Variants in MED16 observed in about 807,000 individuals in gnomAD.
MED16 encodes mediator complex subunit 16, also known as mediator of RNA polymerase II transcription subunit 16.
Under a neutral mutation model 84.4 loss-of-function variants are expected in MED16, and 81 were observed. That is an observed-to-expected ratio of 0.96 (90% CI 0.80 to 1.15). MED16 has a LOEUF of 1.15. Among genes scored for constraint, MED16 ranks in the 50% most tolerant of loss-of-function variants. The pLI is 0.00. For synonymous variants in MED16, 897 were observed against 552.2 expected, an observed-to-expected ratio of 1.62 and a Z score of -8.76; for missense variants, 1,585 against 1,245.9, an observed-to-expected ratio of 1.27 and a Z score of -4.10.
At chr19:878,882 G>A (rs1302277314) in intron 8 of MED16, among the ~76,000 whole-genome samples, 1 of 115,564 alleles carries the variant, frequency 8.7e-6, no homozygotes, top group African/African-American at 3.4e-5. Context: ...ACGTGCCCCA[G>A]CAGCTCACCT....
intron 8 of MED16, 78 bp from the exon 9 acceptor site, chr19:877,258 G>A: frequency 1.4e-6 from 2 of 1,408,280 alleles, no homozygotes; most frequent in South Asian, 1.2e-5. Flanking sequence ...GGGCCCTGGG[G>A]CTGCGGCACG....
intron 9 of MED16, 77 bp from the exon 10 acceptor site, chr19:875,531 A>G (rs1039245644): frequency 8.2e-7 from 1 of 1,215,638 alleles, no homozygotes; most frequent in Non-Finnish European, 1.1e-6. Flanking sequence ...GGAGAAGAGC[A>G]GTTCGACTCT....
At chr19:885,154 CA>C (rs2036500656) in intron 5 of MED16, 146 bp from the exon 6 acceptor site, 1 of 623,336 alleles carries the variant, frequency 1.6e-6, no homozygotes, top group Non-Finnish European at 2.8e-6. Context: ...TCCTGGATTC[CA>C]GCCCAGGCCT....
chr19:870,969 G>C (rs930539818), intron 13 of MED16, 68 bp downstream of exon 13: 7 of 1,386,368 alleles, frequency 5.0e-6, no homozygotes, highest in Non-Finnish European at 6.7e-6. Flanking sequence ...GTGTGGATTC[G>C]GGGGTCCCGG....
chr19:873,368 G>T, intron 11 of MED16, 81 bp downstream of exon 11: 1 of 1,450,416 alleles, frequency 6.9e-7, no homozygotes. Flanking sequence ...GTGGTTTTGA[G>T]GGGCAGGGGC....
chr19:885,688 G>A (rs185192086), intron 5 of MED16, 82 bp downstream of exon 5: 93 of 1,500,902 alleles, frequency 6.2e-5, no homozygotes, highest in Non-Finnish European at 7.7e-5. Flanking sequence ...GGAGGCCCGC[G>A]CGGGTCTCCA....
At chr19:888,539 A>G (rs2036568935) in intron 4 of MED16, among the ~76,000 whole-genome samples, 2 of 152,034 alleles carry the variant, frequency 1.3e-5, no homozygotes, top group African/African-American at 4.8e-5. Context: ...AAAAAAAAAA[A>G]AAAAGATAAA....
intron 12 of MED16, chr19:871,467 C>A: frequency 1.4e-6 from 2 of 1,437,290 alleles, no homozygotes; most frequent in East Asian, 2.5e-5. Flanking sequence ...CCGTCTCTGG[C>A]CTGTCATGAG....
chr19:883,446 C>G (rs1253937153), intron 6 of MED16, among the ~76,000 whole-genome samples: 3 of 141,758 alleles, frequency 2.1e-5, no homozygotes, highest in Non-Finnish European at 4.6e-5. Flanking sequence ...GCGTGAAGAG[C>G]TGGGCATGGC....
chr19:880,178 GGCAGGGC>G, intron 7 of MED16, 30 bp from the exon 8 acceptor site: 1 of 1,588,204 alleles, frequency 6.3e-7, no homozygotes, highest in Middle Eastern at 2.2e-4. Flanking sequence ...CTTAGACATG[GGCAGGGC>G]CCAGGACACG....
chr19:885,144 T>C, intron 5 of MED16, 136 bp from the exon 6 acceptor site: 1 of 646,174 alleles, frequency 1.5e-6, no homozygotes, highest in Non-Finnish European at 2.7e-6. Flanking sequence ...CCTCGGGCCC[T>C]CCTGGATTCC....
intron 14 of MED16, 37 bp downstream of exon 14, chr19:868,826 A>C: frequency 3.9e-6 from 6 of 1,532,954 alleles, no homozygotes; most frequent in Non-Finnish European, 5.3e-6. Context: ...CCCCAGCGGC[A>C]CATCTCTGGG....
At chr19:872,614 A>G (rs1683573) in intron 11 of MED16, among the ~76,000 whole-genome samples, 59,676 of 149,072 alleles carry the variant, frequency 0.4, 13,574 homozygotes, top group African/African-American at 0.62. Context: ...TGGGTGGGGC[A>G]GAAGAAATCA....
chr19:891,334 C>A (rs73505596), intron 1 of MED16, among the ~76,000 whole-genome samples, 185 bp from the exon 2 acceptor site: 4 of 152,102 alleles, frequency 2.6e-5, no homozygotes, highest in Non-Finnish European at 5.9e-5. Context: ...CAGGGCCAGT[C>A]CTGGGCCTGT....
intron 11 of MED16, 88 bp from the exon 12 acceptor site, chr19:872,206 C>CG (rs1466691726): frequency 8.6e-6 from 10 of 1,163,912 alleles, no homozygotes; most frequent in African/African-American, 1.5e-5. Flanking sequence ...GAACCCCGAC[C>CG]GGGGGGCAAT....
chr19:875,456 T>TGAGGGCAG lies in MED16; in HGVS notation c.1561-10_1561-3dup. 6.3e-7 allele frequency: 1 copy of TGAGGGCAG among 1,597,912 alleles called. No individual in the cohort carries two copies. The highest frequency in any genetic ancestry group is 8.5e-7 in the Non-Finnish European group (1 of 1,178,608). ...GGCCAGGATCCGGGTGGAGAGGACC[T>TGAGGGCAG]GAGGGCAGGAAGCCAGGTCACCCCA... On this transcript the variant is annotated splice_polypyrimidine_tract_variant and splice_region_variant and intron_variant, in intron 9 of 15. Coordinates refer to ENST00000325464, the MANE Select transcript of MED16 (RefSeq NM_005481.3).
At chr19:883,831 C>T (rs1477909223) in intron 6 of MED16, among the ~76,000 whole-genome samples, 1 of 152,056 alleles carries the variant, frequency 6.6e-6, no homozygotes, top group Admixed American at 6.5e-5. Flanking sequence ...TGACTCACCA[C>T]GAGGCCCAGG....
At chr19:890,790 ACCCTCTGTAC>A (rs1272671004) in intron 2 of MED16, among the ~76,000 whole-genome samples, 163 bp downstream of exon 2, 2 of 152,164 alleles carry the variant, frequency 1.3e-5, no homozygotes, top group East Asian at 3.9e-4. Flanking sequence ...CACTGAATCC[ACCCTCTGTAC>A]CCCCAGGAGG....
At chr19:874,496 C>T (rs142344850) in intron 10 of MED16, among the ~76,000 whole-genome samples, 26 of 152,282 alleles carry the variant, frequency 1.7e-4, no homozygotes, top group Middle Eastern at 6.8e-3. Context: ...GCGAGTAGGA[C>T]ACCACGTGCT....
Sources: gnomAD v4.1 joint callset for allele counts (sites outside exome capture counted in the v4.1 genomes callset) on GRCh38, gnomAD v4.1.1 for gene constraint, MANE v1.5 for transcripts, NCBI Gene and HGNC (gene_info 2026-07-23, HGNC 2026-07-21) for gene names.